The following UTY variants were observed in gnomAD, a reference collection of about 807,000 sequenced individuals.
The protein encoded by UTY is histone demethylase UTY.
In UTY, 12 loss-of-function variants were observed where a neutral mutation model predicts 32.5. The ratio of observed to expected loss-of-function variants is 0.37; its 90% CI spans 0.24 to 0.60. The LOEUF is 0.60. Ranked by LOEUF, UTY falls within the 20% of genes least tolerant of loss-of-function variation. The pLI, the probability that UTY is intolerant of heterozygous loss-of-function variation, is 0.69. For synonymous variants in UTY, 131 were observed against 103.4 expected (o/e 1.27, Z -1.62); for missense variants, 303 against 299.2 (o/e 1.01, Z -0.09).
intron 17 of UTY, among the ~76,000 whole-genome samples, chrY:13,345,342 TCCAAGCACAG>T (rs2061819619): frequency 3.0e-5 from 1 of 33,444 alleles, no homozygotes; most frequent in Admixed American, 2.7e-4. Context: ...GGCTGGTCAG[TCCAAGCACAG>T]CTGAACCTTA....
intron 8 of UTY, among the ~76,000 whole-genome samples, chrY:13,385,587 C>T: frequency 3.0e-5 from 1 of 33,144 alleles, no homozygotes; most frequent in South Asian, 6.8e-4. Context: ...CTACACCTGG[C>T]TAATTTTTGT....
At chrY:13,342,689 G>T (rs2061581120) in intron 17 of UTY, among the ~76,000 whole-genome samples, 1 of 34,399 alleles carries the variant, frequency 2.9e-5, no homozygotes, top group African/African-American at 1.1e-4. Flanking sequence ...GATGATTTAT[G>T]CACCTACAAA....
intron 6 of UTY, among the ~76,000 whole-genome samples, chrY:13,403,278 G>T: frequency 6.3e-5 from 2 of 31,815 alleles, no homozygotes; most frequent in African/African-American, 2.5e-4. Flanking sequence ...ATGCTATTCA[G>T]AAGAGTGCAC....
intron 17 of UTY, among the ~76,000 whole-genome samples, chrY:13,349,970 T>C: frequency 3.0e-5 from 1 of 33,231 alleles, no homozygotes. Flanking sequence ...GGGGATAAGA[T>C]CATAAGGTGT....
At chrY:13,257,879 T>C (rs2054916961) in intron 28 of UTY, among the ~76,000 whole-genome samples, 2 of 33,131 alleles carry the variant, frequency 6.0e-5, no homozygotes, top group East Asian at 8.0e-4. Context: ...GAAGCTGTCA[T>C]AGACGGCAGA....
At chrY:13,368,548 T>G in intron 9 of UTY, among the ~76,000 whole-genome samples, 1 of 31,417 alleles carries the variant, frequency 3.2e-5, no homozygotes, top group Non-Finnish European at 7.7e-5. Context: ...CCTGGCTAAT[T>G]TTTGTATTTT....
intron 8 of UTY, among the ~76,000 whole-genome samples, chrY:13,391,685 C>T: frequency 6.0e-5 from 2 of 33,327 alleles, no homozygotes; most frequent in African/African-American, 2.4e-4. Context: ...CCTCCCCAGC[C>T]ATGCTGAATT....
chrY:13,327,184 C>A, intron 18 of UTY, among the ~76,000 whole-genome samples: 2 of 33,197 alleles, frequency 6.0e-5, no homozygotes, highest in Non-Finnish European at 1.5e-4. Flanking sequence ...TATTAAAATT[C>A]TAAAATAATC....
chrY:13,393,939 T>C lies in UTY; in HGVS notation c.611-46A>G, dbSNP rs372098377. 2.1e-5 allele frequency: 6 copies of C among 285,324 alleles called. No homozygotes were observed. In the African/African-American group the frequency reaches 4.4e-4, roughly 21 times the overall value. The allele number at this position is 285,324 out of a possible 400,897, so 71.2% of individuals were successfully genotyped here. A position where few individuals can be genotyped will look rare whatever the true frequency, so the allele number is the denominator to read the frequency against. Reference sequence around the variant, plus strand: ...AGATCAGTTACAATACAGTCTAATGTAATAAAGTAACAAAAAGTAGGGATA... The same window carrying C: ...AGATCAGTTACAATACAGTCTAATGCAATAAAGTAACAAAAAGTAGGGATA... On this transcript the variant is annotated intron_variant, in intron 7 of 29. Coordinates refer to ENST00000545955, the MANE Select transcript of UTY (RefSeq NM_001258249.2).
At chrY:13,460,881 A>C (rs2077293710) in intron 3 of UTY, among the ~76,000 whole-genome samples, 1 of 33,345 alleles carries the variant, frequency 3.0e-5, no homozygotes, top group African/African-American at 1.2e-4. Flanking sequence ...AAATAAATAG[A>C]AATTTGTGAA....
chrY:13,380,691 A>G (rs2066033411), intron 8 of UTY, among the ~76,000 whole-genome samples: 1 of 32,805 alleles, frequency 3.0e-5, no homozygotes, highest in Non-Finnish European at 7.5e-5. Flanking sequence ...AAAGAAAAAT[A>G]CTGAAAGAAA....
At chrY:13,349,967 A>T in intron 17 of UTY, among the ~76,000 whole-genome samples, 1 of 33,433 alleles carries the variant, frequency 3.0e-5, no homozygotes, top group Non-Finnish European at 7.4e-5. Flanking sequence ...GGAGGGGATA[A>T]GATCATAAGG....
At chrY:13,359,322 T>A in intron 12 of UTY, 100 bp from the exon 13 acceptor site, 1 of 306,730 alleles carries the variant, frequency 3.3e-6, no homozygotes, top group Non-Finnish European at 4.6e-6. Context: ...TAAAAAAAAA[T>A]TCTAAATTTG....
intron 4 of UTY, among the ~76,000 whole-genome samples, chrY:13,433,482 A>T: frequency 6.0e-5 from 2 of 33,579 alleles, no homozygotes; most frequent in African/African-American, 2.3e-4. Context: ...ACTGCTATCT[A>T]CGAGCAGAGA....
intron 3 of UTY, among the ~76,000 whole-genome samples, chrY:13,453,826 T>C (rs769508325): frequency 2.4e-4 from 8 of 33,141 alleles, no homozygotes; most frequent in African/African-American, 9.4e-4. Flanking sequence ...AATGGCAAGA[T>C]AGTAATAATG....
chrY:13,333,761 G>C (rs2060852462), intron 18 of UTY, among the ~76,000 whole-genome samples: 3 of 33,545 alleles, frequency 8.9e-5, no homozygotes, highest in Admixed American at 8.0e-4. Context: ...CATAGCTGTT[G>C]GGGAAAGGCT....
At chrY:13,270,489 T>C in intron 27 of UTY, among the ~76,000 whole-genome samples, 1 of 32,767 alleles carries the variant, frequency 3.1e-5, no homozygotes, top group Admixed American at 2.8e-4. Flanking sequence ...AAGATTCCCA[T>C]ACAGGGAGTC....
At chrY:13,273,318 G>C (rs2056423046) in intron 27 of UTY, among the ~76,000 whole-genome samples, 1 of 33,871 alleles carries the variant, frequency 3.0e-5, no homozygotes, top group African/African-American at 1.1e-4. Context: ...CTCACAGCTA[G>C]TCTTATTTAT....
intron 3 of UTY, among the ~76,000 whole-genome samples, chrY:13,450,280 G>A: frequency 3.0e-5 from 1 of 33,426 alleles, no homozygotes; most frequent in African/African-American, 1.2e-4. Context: ...TTCAAATGGA[G>A]AAAATTTTAC....
Sources: allele counts gnomAD v4.1 joint callset (sites outside exome capture counted in the v4.1 genomes callset), GRCh38; gene constraint gnomAD v4.1.1; transcripts MANE v1.5; gene names NCBI Gene and HGNC (gene_info 2026-07-23, HGNC 2026-07-21).